The following ZNF808 variants were observed in gnomAD, a reference collection of about 807,000 sequenced individuals.
ZNF808 encodes the protein zinc finger protein 808.
In ZNF808, 5 loss-of-function variants were observed where a neutral mutation model predicts 8.7. That is an observed-to-expected ratio of 0.58 (90% CI 0.30 to 1.21). The LOEUF (loss-of-function observed/expected upper bound fraction) is 1.21. Among genes scored for constraint, ZNF808 ranks in the 50% most tolerant of loss-of-function variants. The pLI, the probability that ZNF808 is intolerant of heterozygous loss-of-function variation, is 0.07. For missense variants in ZNF808, 1,103 were observed against 1,098.4 expected (o/e 1.00, Z -0.06); for synonymous variants, 380 against 366.0 (o/e 1.04, Z -0.44).
intron 3 of ZNF808, among the ~76,000 whole-genome samples, chr19:52,546,255 T>C (rs776758167): frequency 3.3e-5 from 5 of 151,406 alleles, no homozygotes; most frequent in Admixed American, 2.0e-4. Context: ...TGGCATGATA[T>C]TGGGTCATTG....
chr19:52,554,042 T>G lies in ZNF808; in HGVS notation c.1126T>G (p.Cys376Gly). 1 of 1,614,108 alleles carries G rather than the reference T, an allele frequency of 6.2e-7. No individual in the cohort carries two copies. Among genetic ancestry groups the G allele is most frequent in the Non-Finnish European group, 8.5e-7 (1 of 1,180,002 alleles). The change falls in exon 5 of 5, where the codon TGT becomes GGT. Residue 376 changes from cysteine to glycine, a missense_variant. Transcript: ENST00000359798. ...AGTGAAACCTTACAAATGTAAGATT[T>G]GTGAGAAGGCTTTTGCGTGTCATTC... ...TGVKPYKCKI[C>G]EKAFACHSYL...
chr19:52,531,239 T>C (rs1232999905), intron 1 of ZNF808, among the ~76,000 whole-genome samples: 1 of 152,144 alleles, frequency 6.6e-6, no homozygotes, highest in Non-Finnish European at 1.5e-5. Context: ...TTTGGAAGGC[T>C]GATGTGGGCG....
At chr19:52,537,022 G>A (rs2059619139) in intron 2 of ZNF808, among the ~76,000 whole-genome samples, 2 of 151,776 alleles carry the variant, frequency 1.3e-5, no homozygotes, top group Admixed American at 1.3e-4. Context: ...CCCCATCCCT[G>A]CTAAAAATAC....
Position 52,554,361 on chromosome 19 carries a change from C to T in ZNF808, c.1445C>T (p.Thr482Ile). The T allele has an allele frequency of 6.2e-7, 1 of 1,613,842 alleles. No homozygotes were observed. The highest frequency in any genetic ancestry group is 8.5e-7 in the Non-Finnish European group (1 of 1,179,960). Residue 482 changes from threonine to isoleucine, a missense_variant, in exon 5 of 5, where the codon ACT (threonine) becomes ATT (isoleucine). By Grantham distance (89) the Thr-to-Ile change is moderately conservative. Coordinates refer to ENST00000359798, the MANE Select transcript of ZNF808 (RefSeq NM_001039886.4). ...AGAAGAATTCACACTGGAGAGAAAACTTACAAGTGTAATGAGTGTCGCAAG... is the reference window on the plus strand; with the variant it reads ...AGAAGAATTCACACTGGAGAGAAAATTTACAAGTGTAATGAGTGTCGCAAG... ...RHRRIHTGEK[T>I]YKCNECRKTF...
chr19:52,548,380 T>C (rs1158760814), intron 4 of ZNF808, among the ~76,000 whole-genome samples: 1 of 152,248 alleles, frequency 6.6e-6, no homozygotes, highest in Non-Finnish European at 1.5e-5. Flanking sequence ...TTAGTTCTAC[T>C]GTCATTTCCT....
At chr19:52,543,222 G>A in intron 2 of ZNF808, 44 bp from the exon 3 acceptor site, 2 of 1,597,590 alleles carry the variant, frequency 1.3e-6, no homozygotes, top group Non-Finnish European at 1.7e-6. Context: ...CAGGAAGGGA[G>A]TGAGTCATTT....
In ZNF808 at chr19:52,555,122, A is replaced by C. The variant is rs776992570; in HGVS notation, c.2206A>C (p.Lys736Gln). Residue 736 changes from lysine (K) to glutamine (Q), a missense_variant, in exon 5 of 5, where the codon AAG becomes CAG. By Grantham distance (53) the Lys-to-Gln change is moderately conservative. Coordinates refer to ENST00000359798, the MANE Select transcript of ZNF808 (RefSeq NM_001039886.4). ...RRIHSGEKPY[K>Q]CSECSKTFSQ... ...AATTCATAGTGGTGAGAAACCTTACAAGTGTAGTGAGTGCAGCAAGACGTT... is the reference window on the plus strand; with the variant it reads ...AATTCATAGTGGTGAGAAACCTTACCAGTGTAGTGAGTGCAGCAAGACGTT... 2 of 1,614,168 alleles carry C rather than the reference A, an allele frequency of 1.2e-6. No individual in the cohort carries two copies. Among genetic ancestry groups the C allele is most frequent in the Non-Finnish European group, 1.7e-6 (2 of 1,180,030 alleles).
chr19:52,543,757 A>G (rs1324005250), intron 3 of ZNF808, among the ~76,000 whole-genome samples: 1 of 152,242 alleles, frequency 6.6e-6, no homozygotes, highest in Non-Finnish European at 1.5e-5. Context: ...ATTCTGGGAA[A>G]GGAGACGAAT....
intron 2 of ZNF808, among the ~76,000 whole-genome samples, chr19:52,534,538 T>G (rs1022258877): frequency 1.3e-5 from 2 of 152,204 alleles, no homozygotes; most frequent in African/African-American, 4.8e-5. Context: ...ATTTCTCATT[T>G]GGGGGAAGAC....
At chr19:52,540,528 A>T (rs1181829359) in intron 2 of ZNF808, among the ~76,000 whole-genome samples, 1 of 152,170 alleles carries the variant, frequency 6.6e-6, no homozygotes, top group Non-Finnish European at 1.5e-5. Flanking sequence ...CTTGATAATG[A>T]TATCAAGGAC....
chr19:52,553,266 G>T lies in ZNF808; in HGVS notation c.350G>T (p.Cys117Phe). 1 of 1,613,898 alleles carries T rather than the reference G, an allele frequency of 6.2e-7. No individual in the cohort carries two copies. The highest frequency in any genetic ancestry group is 8.5e-7 in the Non-Finnish European group (1 of 1,179,960). The change falls in exon 5 of 5, where the codon TGT (cysteine) becomes TTT (phenylalanine). Residue 117 changes from cysteine to phenylalanine, a missense_variant. Transcript: ENST00000359798. Reference protein sequence around the residue: ...EKEIHNIEFQCQEDERNGHEA... With the variant: ...EKEIHNIEFQFQEDERNGHEA... ...GAAATTCATAACATTGAGTTTCAGT[G>T]TCAAGAAGATGAAAGAAATGGCCAT... is the stretch of plus-strand genomic sequence containing the variant.
chr19:52,558,044 T>TTTTTTTTG (rs1600048432), downstream of ZNF808, among the ~76,000 whole-genome samples: 1 of 138,510 alleles, frequency 7.2e-6, no homozygotes, highest in African/African-American at 2.8e-5. Context: ...TTTTTTTTTT[T>TTTTTTTTG]GAGGGTAGGA....
chr19:52,551,422 T>G (rs1220103738), intron 4 of ZNF808, among the ~76,000 whole-genome samples: 1 of 152,000 alleles, frequency 6.6e-6, no homozygotes, highest in Non-Finnish European at 1.5e-5. Context: ...TAGCTGTTAG[T>G]CCATTCTTAG....
Position 52,554,654 on chromosome 19 carries a change from T to C in ZNF808, c.1738T>C (p.Ser580Pro), listed in dbSNP as rs759432769. 5 of 1,613,998 alleles carry C rather than the reference T, an allele frequency of 3.1e-6. No individual in the cohort carries two copies. The highest frequency in any genetic ancestry group is 4.2e-6 in the Non-Finnish European group (5 of 1,180,006). The stretch of plus-strand genomic sequence containing the variant: ...ATGTGGGAAAGCTTTTAATCAACAA[T>C]CACATCTTTCACGTCATCGTAGACT... ...NECGKAFNQQ[S>P]HLSRHRRLHT... The change falls in exon 5 of 5, where the codon TCA (serine) becomes CCA (proline). Residue 580 changes from serine (S) to proline (P), a missense_variant. Ser to Pro is a moderately conservative substitution (Grantham distance 74). Transcript: ENST00000359798.
rs1599943830 is a variant in ZNF808 at position 52,529,896 on chromosome 19, T to C, written c.-122+2185T>C. 2.6e-5 allele frequency among the ~76,000 whole-genome samples: 3 copies of C among 117,444 alleles called. No homozygotes were observed. In the South Asian group the frequency reaches 8.2e-4, roughly 32 times the overall value. 77.0% of individuals were successfully genotyped at this position (117,444 alleles called of 152,430 possible). ...CCACCAAGCCCAGCTAGTTTACATA[T>C]ATATATATATATATATTTTTTTTTT... On this transcript the variant is annotated intron_variant, in intron 1 of 4. Transcript: ENST00000359798.
chr19:52,563,936 C>T (rs985755446), exon 4 of ZNF808: 11 of 285,784 alleles, frequency 3.8e-5, no homozygotes, highest in Admixed American at 5.5e-5. Flanking sequence ...GCGGAAGTTT[C>T]GATGAGCCGG....
downstream of ZNF808, chr19:52,556,434 C>G (rs2059836487): frequency 6.5e-6 from 1 of 153,154 alleles, no homozygotes; most frequent in South Asian, 2.0e-4. Context: ...TCAAGCGATT[C>G]CTCTGCCTCA....
chr19:52,527,952 G>T (rs907218537), intron 1 of ZNF808: 18 of 152,376 alleles, frequency 1.2e-4, no homozygotes, highest in African/African-American at 4.3e-4. Context: ...CTATTGCGTA[G>T]TTTTTCTGCT....
At position 52,553,547 on chromosome 19, in the gene ZNF808, A is replaced by G; in HGVS notation, c.631A>G (p.Asn211Asp). The G allele has an allele frequency of 6.2e-7, 1 of 1,614,198 alleles. No individual in the cohort carries two copies. The highest frequency in any genetic ancestry group is 8.5e-7 in the Non-Finnish European group (1 of 1,180,028). The change falls in exon 5 of 5, where the codon AAT becomes GAT. Residue 211 changes from asparagine to aspartate, a missense_variant. Transcript: ENST00000359798. ...QIHISNNYGN[N>D]PLNSSLLPQK... ...CCATATTTCTAATAACTATGGGAATAATCCCCTGAATTCTTCATTACTCCC... is the reference window on the plus strand; with the variant it reads ...CCATATTTCTAATAACTATGGGAATGATCCCCTGAATTCTTCATTACTCCC...
Sources: gnomAD v4.1 joint callset for allele counts (sites outside exome capture counted in the v4.1 genomes callset) on GRCh38, gnomAD v4.1.1 for gene constraint, MANE v1.5 for transcripts, NCBI Gene and HGNC (gene_info 2026-07-23, HGNC 2026-07-21) for gene names.